The following TTLL5 variants were observed in gnomAD, a reference collection of about 807,000 sequenced individuals.
The protein encoded by TTLL5 is tubulin tyrosine ligase like 5.
TTLL5 carries 132 observed loss-of-function variants against 168.4 expected under a neutral mutation model. That is an observed-to-expected ratio of 0.78 (90% confidence interval 0.68 to 0.91). The LOEUF is 0.91. TTLL5 is among the 40% of genes least tolerant of loss of function. The pLI, the probability that TTLL5 is intolerant of heterozygous loss-of-function variation, is 0.00. For synonymous variants in TTLL5, 546 were observed against 558.6 expected, an observed-to-expected ratio of 0.98 and a Z score of 0.32; for missense variants, 1,545 against 1,581.5, an observed-to-expected ratio of 0.98 and a Z score of 0.39.
chr14:75,737,709 CT>C, intron 15 of TTLL5: 1 of 1,251,460 alleles, frequency 8.0e-7, no homozygotes, highest in Non-Finnish European at 1.1e-6. Context: ...TTTTATGTAC[CT>C]ATTTTTTTGC....
intron 5 of TTLL5, among the ~76,000 whole-genome samples, chr14:75,687,102 A>G (rs899516881): frequency 2.6e-5 from 4 of 152,142 alleles, no homozygotes; most frequent in African/African-American, 9.7e-5. Context: ...CTGTGAATCA[A>G]TTTTTAAAAA....
intron 31 of TTLL5, among the ~76,000 whole-genome samples, chr14:75,914,033 A>AAAAAAAAAAAAAATATATATATATAT: frequency 4.2e-5 from 3 of 71,100 alleles, no homozygotes; most frequent in African/African-American, 1.5e-4. Context: ...AAAAAAAAAA[A>AAAAAAAAAAAAAATATATATATATAT]ATATATATAT....
At chr14:75,929,786 G>C (rs1034397441) in intron 31 of TTLL5, among the ~76,000 whole-genome samples, 12 of 152,054 alleles carry the variant, frequency 7.9e-5, no homozygotes, top group African/African-American at 2.7e-4. Context: ...CATTTCTTAA[G>C]TTTATCTGAC....
intron 31 of TTLL5, among the ~76,000 whole-genome samples, chr14:75,950,585 C>A (rs1566674046): frequency 6.6e-6 from 1 of 152,106 alleles, no homozygotes; most frequent in African/African-American, 2.4e-5. Flanking sequence ...TGGTACGATG[C>A]CGATCATTAT....
intron 18 of TTLL5, among the ~76,000 whole-genome samples, chr14:75,757,524 A>G (rs532076585): frequency 1.4e-3 from 211 of 152,332 alleles, no homozygotes; most frequent in Middle Eastern, 0.01. Context: ...CCTTCTTCAC[A>G]TGGTGGTTGT....
chr14:75,737,467 G>T, intron 15 of TTLL5: 1 of 1,254,662 alleles, frequency 8.0e-7, no homozygotes, highest in Non-Finnish European at 1.1e-6. Context: ...TCTGCTTGGA[G>T]ATTATTTTTT....
intron 10 of TTLL5, 52 bp downstream of exon 10, chr14:75,718,014 T>A: frequency 6.5e-7 from 1 of 1,542,440 alleles, no homozygotes; most frequent in Non-Finnish European, 8.9e-7. Context: ...CAGATGTGGG[T>A]GTTGTAGAGG....
chr14:75,911,796 G>T (rs899106945), intron 31 of TTLL5, among the ~76,000 whole-genome samples: 30 of 152,152 alleles, frequency 2.0e-4, no homozygotes, highest in African/African-American at 7.2e-4. Context: ...AAAAATGACC[G>T]CTCACAGGCC....
At chr14:75,946,995 G>C (rs2034796097) in intron 31 of TTLL5, among the ~76,000 whole-genome samples, 1 of 152,190 alleles carries the variant, frequency 6.6e-6, no homozygotes, top group Non-Finnish European at 1.5e-5. Flanking sequence ...AGGAGAGTGA[G>C]AACAGATGAG....
rs200428868 is a variant in TTLL5 at position 75,745,595 on chromosome 14, C to CT, written c.1487+24dup. The CT allele has an allele frequency of 2.9e-3, 4,114 of 1,410,020 alleles. No homozygotes were observed. The highest frequency in any genetic ancestry group is 3.3e-3 in the Non-Finnish European group (3,431 of 1,034,638). 87.3% of individuals were successfully genotyped at this position (1,410,020 alleles called of 1,614,324 possible). ...GGAAATATATGGGTGAGGTGACTAC[C>CT]TTTTTTTTTTATTCTTTACCTGAGG... On this transcript the variant is annotated intron_variant, in intron 17 of 31. Coordinates refer to ENST00000298832, the MANE Select transcript of TTLL5 (RefSeq NM_015072.5).
intron 18 of TTLL5, chr14:75,757,917 G>A (rs755448551): frequency 2.6e-6 from 4 of 1,558,130 alleles, no homozygotes; most frequent in Non-Finnish European, 3.5e-6. Context: ...TGCATAATGT[G>A]TGACCATGCA....
intron 31 of TTLL5, among the ~76,000 whole-genome samples, chr14:75,919,912 G>A (rs1489460201): frequency 1.3e-5 from 2 of 151,920 alleles, no homozygotes; most frequent in African/African-American, 2.4e-5. Context: ...CTTGAGCTCA[G>A]GAGTTTGAGA....
At chr14:75,767,617 A>G (rs1251497308) in intron 20 of TTLL5, among the ~76,000 whole-genome samples, 1 of 152,236 alleles carries the variant, frequency 6.6e-6, no homozygotes, top group East Asian at 1.9e-4. Context: ...GAGCATGGTA[A>G]GAAATGAGAC....
intron 30 of TTLL5, among the ~76,000 whole-genome samples, chr14:75,891,426 T>C (rs186072590): frequency 1.6e-3 from 242 of 152,326 alleles, no homozygotes; most frequent in Middle Eastern, 3.4e-3. Flanking sequence ...CACCCTTTCA[T>C]CACATATATA....
intron 12 of TTLL5, among the ~76,000 whole-genome samples, chr14:75,722,665 T>C (rs546794220): frequency 2.4e-4 from 36 of 152,174 alleles, no homozygotes; most frequent in African/African-American, 6.7e-4. Context: ...AGTTTTGTAT[T>C]AGAGACAGGG....
At chr14:75,925,987 C>G (rs939604600) in intron 31 of TTLL5, among the ~76,000 whole-genome samples, 1 of 151,366 alleles carries the variant, frequency 6.6e-6, no homozygotes, top group African/African-American at 2.4e-5. Flanking sequence ...TGCAGTGAGC[C>G]GAGATGGCGG....
At chr14:75,757,126 C>T (rs548515514) in intron 18 of TTLL5, among the ~76,000 whole-genome samples, 24 of 152,004 alleles carry the variant, frequency 1.6e-4, no homozygotes, top group African/African-American at 3.9e-4. Flanking sequence ...TACAGGTGCA[C>T]GCCACCACGC....
intron 31 of TTLL5, among the ~76,000 whole-genome samples, chr14:75,908,190 G>A (rs1332976337): frequency 6.6e-6 from 1 of 152,280 alleles, no homozygotes; most frequent in Non-Finnish European, 1.5e-5. Context: ...GAGACAGCAT[G>A]TGTGTATGGA....
At chr14:75,757,006 C>T (rs1274972467) in intron 18 of TTLL5, among the ~76,000 whole-genome samples, 1 of 151,566 alleles carries the variant, frequency 6.6e-6, no homozygotes, top group African/African-American at 2.4e-5. Context: ...TGAGAGGAGT[C>T]TCGCTCTGTT....
Sources: gnomAD v4.1 joint callset for allele counts (sites outside exome capture counted in the v4.1 genomes callset) on GRCh38, gnomAD v4.1.1 for gene constraint, MANE v1.5 for transcripts, NCBI Gene and HGNC (gene_info 2026-07-23, HGNC 2026-07-21) for gene names.